The following DMXL2 variants were observed in gnomAD, a reference collection of about 807,000 sequenced individuals.
DMXL2 encodes dmX-like protein 2.
A neutral mutation model predicts 331.1 loss-of-function variants in DMXL2; 103 were observed. The observed-to-expected ratio is 0.31, with a 90% CI of 0.27 to 0.37. The LOEUF (loss-of-function observed/expected upper bound fraction) is 0.37. DMXL2 is among the 10% of genes least tolerant of loss of function. DMXL2 has a pLI of 1.00. For synonymous variants in DMXL2, 1,281 were observed against 1,252.1 expected (o/e 1.02, Z -0.49); for missense variants, 3,171 against 3,642.9 (o/e 0.87, Z 3.33).
At position 51,499,551 on chromosome 15, in the gene DMXL2, C is replaced by T; in HGVS notation, c.3673G>A (p.Gly1225Arg). ...AGAAGAACCCATCTTGACTTAACTC[C>T]TTGCTTGATACTACCACCTAGTGGT... Reference protein sequence around the residue: ...TLPLGGSIKQGVKSRWVLLRS... With the variant: ...TLPLGGSIKQRVKSRWVLLRS... The change falls in exon 18 of 44, where the codon GGA becomes AGA. Residue 1225 changes from glycine to arginine, a missense_variant. Physicochemically the swap from Gly to Arg is moderately radical, Grantham distance 125. Coordinates refer to ENST00000560891, the MANE Select transcript of DMXL2 (RefSeq NM_001378457.1). 1 of 1,614,148 alleles carries T rather than the reference C, an allele frequency of 6.2e-7. No homozygotes were observed. Among genetic ancestry groups the T allele is most frequent in the Non-Finnish European group, 8.5e-7 (1 of 1,180,030 alleles).
At chr15:51,601,007 T>G (rs1465097843) in intron 1 of DMXL2, among the ~76,000 whole-genome samples, 2 of 151,822 alleles carry the variant, frequency 1.3e-5, no homozygotes, top group East Asian at 3.9e-4. Flanking sequence ...AATAAAACAA[T>G]TTGGCCAGGC....
Position 51,514,508 on chromosome 15 carries a change from C to G in DMXL2, c.2578G>C (p.Gly860Arg). The G allele has an allele frequency of 6.3e-7, 1 of 1,596,640 alleles. No individual in the cohort carries two copies. Among genetic ancestry groups the G allele is most frequent in the Admixed American group, 1.7e-5 (1 of 57,184 alleles). The change falls in exon 15 of 44, where the codon GGA (glycine) becomes CGA (arginine). Residue 860 changes from glycine to arginine, a missense_variant. Gly to Arg is a moderately radical substitution (Grantham distance 125). Around this residue, in one of 7 missense-constraint regions of DMXL2, gnomAD observed 1,674 missense variants for 1,780.2 expected, o/e 0.94. Coordinates refer to ENST00000560891, the MANE Select transcript of DMXL2 (RefSeq NM_001378457.1). The stretch of plus-strand genomic sequence containing the variant: ...ATATCTTCCTTATGTGGTTTATATC[C>G]TATAATGAAGTCTTCTTGAAACACA... Reference protein sequence around the residue: ...LHVFQEDFIIGYKPHKEDMEK... With the variant: ...LHVFQEDFIIRYKPHKEDMEK...
Position 51,507,218 on chromosome 15 carries a change from G to T in DMXL2, c.2680C>A (p.Leu894Ile), listed in dbSNP as rs754865812. The change falls in exon 16 of 44, where the codon CTA becomes ATA. Residue 894 changes from leucine to isoleucine, a missense_variant. By Grantham distance (5) the Leu-to-Ile change is conservative (BLOSUM62 2). Transcript: ENST00000560891. ...TTGCTGTCCTTCTCAATTACTACTA[G>T]AAAGAACTTTTCTGAAAATGGTGGT... ...RPPPFSEKFF[L>I]VVIEKDSNNN... The T allele has an allele frequency of 1.2e-6, 2 of 1,610,854 alleles. No homozygotes were observed. Among genetic ancestry groups the T allele is most frequent in the Non-Finnish European group, 1.7e-6 (2 of 1,178,462 alleles).
intron 23 of DMXL2, among the ~76,000 whole-genome samples, chr15:51,484,900 CAG>C (rs1351876205): frequency 6.6e-6 from 1 of 151,500 alleles, no homozygotes; most frequent in African/African-American, 2.4e-5. Flanking sequence ...AAGAACCAAA[CAG>C]AAATACTAGA....
chr15:51,615,889 A>C (rs2054255218), intron 1 of DMXL2, among the ~76,000 whole-genome samples: 1 of 152,200 alleles, frequency 6.6e-6, no homozygotes, highest in Non-Finnish European at 1.5e-5. Context: ...AATGAGTCTA[A>C]GCCAGAATGT....
intron 13 of DMXL2, among the ~76,000 whole-genome samples, chr15:51,531,094 A>G (rs2047977010): frequency 6.6e-6 from 1 of 152,214 alleles, no homozygotes. Context: ...AGCAAAAAGA[A>G]CAAAACTGGA....
intron 1 of DMXL2, among the ~76,000 whole-genome samples, chr15:51,596,242 C>G (rs1234316509): frequency 1.3e-5 from 2 of 152,146 alleles, no homozygotes; most frequent in Admixed American, 1.3e-4. Flanking sequence ...CAAACAGCCC[C>G]ATCAAAAAGT....
rs373151991 is a variant in DMXL2 at position 51,486,066 on chromosome 15, G to A, written c.5482+7C>T. 3.2e-6 allele frequency: 5 copies of A among 1,569,758 alleles called. No homozygotes were observed. The highest frequency in any genetic ancestry group is 2.3e-5 in the East Asian group (1 of 44,064). ...AAGAAAAAAAAGAAATCCACAAAAC[G>A]TCCTACCTTGATGTTCATCATCCTC... On this transcript the variant is annotated splice_region_variant and intron_variant, in intron 23 of 43. Coordinates refer to ENST00000560891, the MANE Select transcript of DMXL2 (RefSeq NM_001378457.1).
In DMXL2 at chr15:51,622,489, G is replaced by T. The variant is rs1279096852; in HGVS notation, c.57C>A (p.Ser19=). 1 of 1,569,756 alleles carries T rather than the reference G, an allele frequency of 6.4e-7. No individual in the cohort carries two copies. The highest frequency in any genetic ancestry group is 2.4e-5 in the East Asian group (1 of 42,098). ...AGGGGACATCCCCGACGCTGCCCAC[G>T]GAGTAGCAGTTGTCTCCAGGGTTGA... ...GAVNPGDNCY[S]VGSVGDVPFT... is the part of the protein sequence containing the mutation. The change falls in exon 1 of 44, where the codon TCC becomes TCA. Residue 19 remains serine (S), a synonymous_variant. Coordinates refer to ENST00000560891, the MANE Select transcript of DMXL2 (RefSeq NM_001378457.1).
At chr15:51,557,204 T>A (rs912718688) in intron 6 of DMXL2, among the ~76,000 whole-genome samples, 2 of 152,180 alleles carry the variant, frequency 1.3e-5, no homozygotes, top group East Asian at 3.8e-4. Context: ...GTGCTGGGCA[T>A]AAAGCCAATA....
At chr15:51,583,237 T>C (rs1413384934) in intron 1 of DMXL2, among the ~76,000 whole-genome samples, 2 of 104,072 alleles carry the variant, frequency 1.9e-5, no homozygotes, top group Non-Finnish European at 3.9e-5. Context: ...TAATGTGTCA[T>C]CTAGCATTAG....
chr15:51,590,081 C>A (rs910375136), intron 1 of DMXL2, among the ~76,000 whole-genome samples: 1 of 152,198 alleles, frequency 6.6e-6, no homozygotes, highest in African/African-American at 2.4e-5. Context: ...TGGCAGACCA[C>A]GTGATCAACA....
intron 1 of DMXL2, among the ~76,000 whole-genome samples, chr15:51,579,770 C>T (rs937737089): frequency 3.9e-5 from 6 of 152,140 alleles, no homozygotes; most frequent in African/African-American, 1.4e-4. Flanking sequence ...TTCCAGCTAA[C>T]AGTATCAATA....
Position 51,478,255 on chromosome 15 carries a change from G to T in DMXL2, c.6833+16C>A. The T allele has an allele frequency of 6.6e-7, 1 of 1,514,918 alleles. No individual in the cohort carries two copies. 93.8% of individuals were successfully genotyped at this position (1,514,918 alleles called of 1,614,324 possible). ...TTTTTGCTGTATTAATACTATTTTG[G>T]GTGATTTTTTTTTACCTGTAGCTAT... On this transcript the variant is annotated intron_variant, in intron 26 of 43. Coordinates refer to ENST00000560891, the MANE Select transcript of DMXL2 (RefSeq NM_001378457.1).
chr15:51,583,029 C>T (rs2141182434), intron 1 of DMXL2, among the ~76,000 whole-genome samples: 1 of 151,290 alleles, frequency 6.6e-6, no homozygotes, highest in South Asian at 2.1e-4. Context: ...CACAATTCTG[C>T]CACTTATTTT....
intron 27 of DMXL2, among the ~76,000 whole-genome samples, chr15:51,475,440 G>A (rs1384761373): frequency 6.6e-6 from 1 of 152,140 alleles, no homozygotes; most frequent in Non-Finnish European, 1.5e-5. Flanking sequence ...GTTGCAGTGA[G>A]CCGAGATTGC....
intron 8 of DMXL2, 40 bp from the exon 9 acceptor site, chr15:51,542,547 C>T: frequency 6.6e-7 from 1 of 1,510,120 alleles, no homozygotes; most frequent in Non-Finnish European, 9.0e-7. Flanking sequence ...ACTCTGGAAC[C>T]TCTAATAAAT....
In DMXL2 at chr15:51,559,191, G is replaced by C. The variant is rs1460643850; in HGVS notation, c.567+4190C>G. 2.0e-5 allele frequency among the ~76,000 whole-genome samples: 3 copies of C among 152,250 alleles called. No individual in the cohort carries two copies. The East Asian group carries it at 5.8e-4, about 29-fold the overall frequency. ...CTCTCATCAAAAGATACCATTAAGA[G>C]AATGAATGAGCAACTAATGGAGTGG... On this transcript the variant is annotated intron_variant, in intron 6 of 43. Coordinates refer to ENST00000560891, the MANE Select transcript of DMXL2 (RefSeq NM_001378457.1).
intron 1 of DMXL2, among the ~76,000 whole-genome samples, chr15:51,614,116 GA>G (rs1329068708): frequency 6.6e-6 from 1 of 152,120 alleles, no homozygotes; most frequent in African/African-American, 2.4e-5. Flanking sequence ...GCGTCCCTAA[GA>G]AGAGAAAAAG....
Sources: gnomAD v4.1 joint callset for allele counts (sites outside exome capture counted in the v4.1 genomes callset) on GRCh38, gnomAD v4.1.1 for gene constraint, gnomAD v4.1.1 regional missense constraint, MANE v1.5 for transcripts, NCBI Gene and HGNC (gene_info 2026-07-23, HGNC 2026-07-21) for gene names.